The following CDK5RAP2 variants were observed in gnomAD, a reference collection of about 807,000 sequenced individuals.
The protein encoded by CDK5RAP2 is CDK5 regulatory subunit associated protein 2, also known as CDK5 regulatory subunit-associated protein 2.
In CDK5RAP2, 147 loss-of-function variants were observed where a neutral mutation model predicts 232.9. The observed-to-expected ratio is 0.63, with a 90% CI of 0.55 to 0.72. CDK5RAP2 has a LOEUF of 0.72. Among genes scored for constraint, CDK5RAP2 ranks in the 30% least tolerant of loss-of-function variants. The pLI is 0.00. For synonymous variants in CDK5RAP2, 833 were observed against 833.7 expected (o/e 1.00, Z 0.01); for missense variants, 2,195 against 2,231.5 (o/e 0.98, Z 0.33).
chr9:120,481,067 T>A (rs1318113855), intron 14 of CDK5RAP2, among the ~76,000 whole-genome samples: 1 of 152,236 alleles, frequency 6.6e-6, no homozygotes, highest in East Asian at 1.9e-4. Context: ...AGGGCCAGTG[T>A]GTCAGCCACC....
At chr9:120,437,989 G>T (rs1397731395) in intron 24 of CDK5RAP2, among the ~76,000 whole-genome samples, 1 of 152,148 alleles carries the variant, frequency 6.6e-6, no homozygotes, top group African/African-American at 2.4e-5. Context: ...CATTTACTGA[G>T]GGTCTAGGAC....
chr9:120,414,390 A>G (rs1432010513), intron 28 of CDK5RAP2, among the ~76,000 whole-genome samples: 1 of 152,224 alleles, frequency 6.6e-6, no homozygotes, highest in East Asian at 1.9e-4. Flanking sequence ...AACTCTCTCT[A>G]GAGCAATAAG....
chr9:120,535,979 T>A (rs538232092), intron 7 of CDK5RAP2, among the ~76,000 whole-genome samples: 2 of 152,232 alleles, frequency 1.3e-5, no homozygotes, highest in African/African-American at 4.8e-5. Context: ...TTTCCTCTGA[T>A]AGTGCCAAGT....
intron 12 of CDK5RAP2, among the ~76,000 whole-genome samples, chr9:120,510,762 A>G (rs2040043186): frequency 6.6e-6 from 1 of 152,160 alleles, no homozygotes; most frequent in Non-Finnish European, 1.5e-5. Flanking sequence ...TTGTTTTTGC[A>G]AAGGTCTCCT....
intron 14 of CDK5RAP2, 51 bp from the exon 15 acceptor site, chr9:120,477,501 A>G (rs760261933): frequency 1.3e-5 from 17 of 1,312,116 alleles, no homozygotes; most frequent in Middle Eastern, 3.6e-4. Context: ...TTGAAAGAGT[A>G]CATCCTTATA....
intron 12 of CDK5RAP2, among the ~76,000 whole-genome samples, chr9:120,506,054 T>C (rs2039794660): frequency 6.6e-6 from 1 of 152,158 alleles, no homozygotes; most frequent in Non-Finnish European, 1.5e-5. Context: ...ATCTAGGAGT[T>C]TCATAGCTAA....
At chr9:120,446,459 C>T (rs1480887939) in intron 22 of CDK5RAP2, among the ~76,000 whole-genome samples, 1 of 152,170 alleles carries the variant, frequency 6.6e-6, no homozygotes, top group East Asian at 1.9e-4. Context: ...CTCCTGACCT[C>T]AGGTGATCTG....
intron 1 of CDK5RAP2, 74 bp downstream of exon 1, chr9:120,579,846 G>A: frequency 4.0e-6 from 5 of 1,258,776 alleles, no homozygotes; most frequent in Non-Finnish European, 5.8e-6. Flanking sequence ...CAAACCCCAA[G>A]GCCGCGTTAG....
rs114246776 is a variant in CDK5RAP2, at chr9:120,558,453, G to A, written c.196-7551C>T. Among the ~76,000 whole-genome samples the A allele has an allele frequency of 9.8e-3, 1,374 of 140,782 alleles. 23 individuals carry two copies. The highest frequency in any genetic ancestry group is 0.033 in the African/African-American group (1,275 of 38,128). The allele number at this position is 140,782 out of a possible 152,430, so 92.4% of individuals were successfully genotyped here. On this transcript the variant is annotated intron_variant, in intron 3 of 37. Transcript: ENST00000349780. ...CAAGAGCCCCCTTAGACTTCAGACC[G>A]ATCTGGTATACATCACTCCCTGGTT...
At chr9:120,452,039 T>A (rs1215444604) in intron 21 of CDK5RAP2, among the ~76,000 whole-genome samples, 1 of 151,956 alleles carries the variant, frequency 6.6e-6, no homozygotes, top group Non-Finnish European at 1.5e-5. Flanking sequence ...ATTAAGTCCA[T>A]TCAATTCTCC....
rs907156056 is a variant in CDK5RAP2 at position 120,487,527 on chromosome 9, A to AT, written c.1483-91dup. On this transcript the variant is annotated intron_variant, in intron 13 of 37. Coordinates refer to ENST00000349780, the MANE Select transcript of CDK5RAP2 (RefSeq NM_018249.6). Reference sequence around the variant, plus strand: ...CAAACTCCTTAAGGAAAAATATTTTATTTTTTCATAATACTCCTATATCCC... The same window carrying AT: ...CAAACTCCTTAAGGAAAAATATTTTATTTTTTTCATAATACTCCTATATCCC... 3 of 1,006,190 alleles carry AT rather than the reference A, an allele frequency of 3.0e-6. No homozygotes were observed. The African/African-American group carries it at 5.0e-5, about 17-fold the overall frequency. 62.3% of individuals were successfully genotyped at this position (1,006,190 alleles called of 1,614,324 possible). A position where few individuals can be genotyped will look rare whatever the true frequency, so the allele number is the denominator to read the frequency against.
At chr9:120,393,435 C>T (rs1439144555) in intron 36 of CDK5RAP2, among the ~76,000 whole-genome samples, 1 of 152,226 alleles carries the variant, frequency 6.6e-6, no homozygotes, top group Non-Finnish European at 1.5e-5. Context: ...AAGGAGAACT[C>T]CTACTTGGCA....
intron 9 of CDK5RAP2, 74 bp from the exon 10 acceptor site, chr9:120,527,999 A>G: frequency 6.4e-7 from 1 of 1,556,968 alleles, no homozygotes; most frequent in South Asian, 1.1e-5. Context: ...TATCTTTAAG[A>G]GCACACTCAA....
At chr9:120,470,051 G>A in intron 17 of CDK5RAP2, 60 bp downstream of exon 17, 1 of 869,316 alleles carries the variant, frequency 1.2e-6, no homozygotes, top group Non-Finnish European at 1.9e-6. Flanking sequence ...AGGAACCCAA[G>A]ATACAACAAA....
chr9:120,436,219 A>G (rs2035567834), intron 25 of CDK5RAP2, among the ~76,000 whole-genome samples: 1 of 152,220 alleles, frequency 6.6e-6, no homozygotes, highest in Admixed American at 6.5e-5. Context: ...CCAAAACTGC[A>G]TAGCCAATCT....
chr9:120,552,805 G>A (rs954164625), intron 3 of CDK5RAP2, among the ~76,000 whole-genome samples: 5 of 151,074 alleles, frequency 3.3e-5, no homozygotes, highest in Admixed American at 2.6e-4. Context: ...TAACGAACCT[G>A]CACATTGTGC....
intron 16 of CDK5RAP2, 99 bp downstream of exon 16, chr9:120,471,649 T>C (rs1364903978): frequency 7.1e-6 from 11 of 1,544,764 alleles, no homozygotes; most frequent in Non-Finnish European, 9.8e-6. Context: ...ACCCCGTGTA[T>C]GCTTCATCCC....
chr9:120,478,130 G>A (rs909630409), intron 14 of CDK5RAP2, among the ~76,000 whole-genome samples: 1 of 152,200 alleles, frequency 6.6e-6, no homozygotes, highest in Non-Finnish European at 1.5e-5. Context: ...GAGACTCTGG[G>A]AAGTTACTTA....
chr9:120,557,400 T>G (rs1323363607), intron 3 of CDK5RAP2, among the ~76,000 whole-genome samples: 1 of 152,128 alleles, frequency 6.6e-6, no homozygotes, highest in East Asian at 1.9e-4. Flanking sequence ...CACTCTAGAC[T>G]GTAACCCAAC....
Sources: allele counts gnomAD v4.1 joint callset (sites outside exome capture counted in the v4.1 genomes callset), GRCh38; gene constraint gnomAD v4.1.1; transcripts MANE v1.5; gene names NCBI Gene and HGNC (gene_info 2026-07-23, HGNC 2026-07-21).